The following GRIA4 variants were observed in gnomAD, a reference collection of about 807,000 sequenced individuals.
GRIA4 encodes the protein glutamate receptor 4.
GRIA4 carries 34 observed loss-of-function variants against 104.0 expected under a neutral mutation model. The observed-to-expected ratio is 0.33, with a 90% CI of 0.25 to 0.44. The LOEUF is 0.44. Among genes scored for constraint, GRIA4 ranks in the 20% least tolerant of loss-of-function variants. The pLI is 1.00. For missense variants in GRIA4, 750 were observed against 1,096.5 expected (o/e 0.68, Z 4.46); for synonymous variants, 386 against 381.9 (o/e 1.01, Z -0.13).
intron 3 of GRIA4, among the ~76,000 whole-genome samples, chr11:105,704,994 C>T (rs1341315890): frequency 2.0e-5 from 3 of 152,086 alleles, no homozygotes; most frequent in Non-Finnish European, 4.4e-5. Flanking sequence ...AACACTGCTT[C>T]TACCAGATAT....
At chr11:105,725,895 C>T (rs1938173710) in intron 3 of GRIA4, among the ~76,000 whole-genome samples, 1 of 152,142 alleles carries the variant, frequency 6.6e-6, no homozygotes, top group Non-Finnish European at 1.5e-5. Flanking sequence ...GTCTTTGCAA[C>T]CCACAAACCA....
In GRIA4 at chr11:105,667,677, C is replaced by T. The variant is rs73627650; in HGVS notation, c.247+55243C>T. Among the ~76,000 whole-genome samples, 734 of 151,946 alleles carry T rather than the reference C, an allele frequency of 4.8e-3. 9 individuals carry two copies. The highest frequency in any genetic ancestry group is 0.017 in the African/African-American group (700 of 41,516). On this transcript the variant is annotated intron_variant, in intron 3 of 16. Transcript: ENST00000282499. ...CTCTCATTTATCTATTCTTTTTATTCACCTTTATTGAGGTATAGTTGATAA... is the reference window on the plus strand; with the variant it reads ...CTCTCATTTATCTATTCTTTTTATTTACCTTTATTGAGGTATAGTTGATAA...
chr11:105,721,506 AAACAAACATACTAAAG>A, intron 3 of GRIA4, among the ~76,000 whole-genome samples: 2 of 152,190 alleles, frequency 1.3e-5, no homozygotes, highest in African/African-American at 4.8e-5. Context: ...GCCTGGACTC[AAACAAACATACTAAAG>A]GATATTCTAT....
intron 3 of GRIA4, among the ~76,000 whole-genome samples, chr11:105,667,256 T>A (rs926534266): frequency 2.0e-5 from 3 of 152,006 alleles, no homozygotes; most frequent in African/African-American, 7.2e-5. Flanking sequence ...GGATTTAATG[T>A]TTATTAGAGG....
At chr11:105,950,854 C>A (rs1948438083) in intron 14 of GRIA4, among the ~76,000 whole-genome samples, 1 of 151,922 alleles carries the variant, frequency 6.6e-6, no homozygotes, top group Non-Finnish European at 1.5e-5. Context: ...CACAGAGAGC[C>A]ATAGAAGGAT....
intron 3 of GRIA4, among the ~76,000 whole-genome samples, chr11:105,721,041 G>A (rs1284945033): frequency 1.3e-5 from 2 of 152,056 alleles, no homozygotes; most frequent in African/African-American, 4.8e-5. Context: ...AGTGGTTTTG[G>A]GTCCTTCTTC....
intron 14 of GRIA4, among the ~76,000 whole-genome samples, chr11:105,942,753 CAT>C (rs1461479994): frequency 1.3e-5 from 2 of 152,080 alleles, no homozygotes; most frequent in Non-Finnish European, 2.9e-5. Context: ...AAAATATCCA[CAT>C]AGAGTTCAAC....
intron 14 of GRIA4, among the ~76,000 whole-genome samples, chr11:105,946,570 A>G (rs954973709): frequency 9.9e-5 from 15 of 152,198 alleles, no homozygotes; most frequent in Non-Finnish European, 2.2e-4. Flanking sequence ...TGGGTGACAC[A>G]GCCAGACCCT....
At chr11:105,731,170 C>A (rs952730237) in intron 3 of GRIA4, among the ~76,000 whole-genome samples, 1 of 151,118 alleles carries the variant, frequency 6.6e-6, no homozygotes, top group Non-Finnish European at 1.5e-5. Flanking sequence ...GGAACTTAAA[C>A]AAATTTACAA....
intron 4 of GRIA4, among the ~76,000 whole-genome samples, chr11:105,769,229 T>C (rs1388450860): frequency 6.6e-6 from 1 of 152,090 alleles, no homozygotes; most frequent in Non-Finnish European, 1.5e-5. Flanking sequence ...TCTGTACAGA[T>C]AACCATACAG....
chr11:105,638,137 G>T (rs962081602), intron 3 of GRIA4, among the ~76,000 whole-genome samples: 2 of 152,130 alleles, frequency 1.3e-5, no homozygotes, highest in African/African-American at 4.8e-5. Flanking sequence ...TTAATGCTGG[G>T]ATCTGCAAGA....
chr11:105,779,524 T>C (rs1397295988), intron 4 of GRIA4, among the ~76,000 whole-genome samples: 2 of 152,148 alleles, frequency 1.3e-5, no homozygotes, highest in Admixed American at 1.3e-4. Context: ...GGTTTTTTGT[T>C]CTTGCGATAG....
rs149717008 is a variant in GRIA4, at chr11:105,760,791, C to T, written c.487+7571C>T. 2.4e-3 allele frequency among the ~76,000 whole-genome samples: 360 copies of T among 151,834 alleles called. 3 individuals are homozygous for T. Among genetic ancestry groups the T allele is most frequent in the Middle Eastern group, 0.014 (4 of 294 alleles). ...ACATAATATGCATTGTTGTGAAGTA[C>T]TCAATGGATTCTGGCCAGAAAACAT... On this transcript the variant is annotated intron_variant, in intron 4 of 16. Coordinates refer to ENST00000282499, the MANE Select transcript of GRIA4 (RefSeq NM_000829.4).
chr11:105,942,620 A>C (rs1323631250), intron 14 of GRIA4, among the ~76,000 whole-genome samples: 2 of 152,086 alleles, frequency 1.3e-5, no homozygotes, highest in Admixed American at 1.3e-4. Flanking sequence ...CGGTGCTCTT[A>C]AGGGAAGAGA....
At chr11:105,626,300 A>G (rs187364400) in intron 3 of GRIA4, among the ~76,000 whole-genome samples, 1 of 152,030 alleles carries the variant, frequency 6.6e-6, no homozygotes, top group South Asian at 2.1e-4. Flanking sequence ...CTGCATTCAG[A>G]TTGAAAAGAA....
At chr11:105,928,119 A>AT in intron 13 of GRIA4, among the ~76,000 whole-genome samples, 1 of 152,118 alleles carries the variant, frequency 6.6e-6, no homozygotes, top group Non-Finnish European at 1.5e-5. Context: ...TGTATACTTG[A>AT]ATTTCTGTAA....
intron 4 of GRIA4, among the ~76,000 whole-genome samples, chr11:105,793,437 C>T (rs1591266345): frequency 6.6e-6 from 1 of 152,116 alleles, no homozygotes; most frequent in South Asian, 2.1e-4. Context: ...AGAGAAGAGA[C>T]CCATAGAATC....
Position 105,913,543 on chromosome 11 carries a change from T to C in GRIA4, c.1269+2998T>C, listed in dbSNP as rs1412359643. The C allele has an allele frequency of 6.1e-6, 5 of 820,518 alleles. No homozygotes were observed. In the South Asian group the frequency reaches 1.7e-4, roughly 28 times the overall value. The allele number at this position is 820,518 out of a possible 1,614,324, so 50.8% of individuals were successfully genotyped here. On this transcript the variant is annotated intron_variant, in intron 10 of 16. Coordinates refer to ENST00000282499, the MANE Select transcript of GRIA4 (RefSeq NM_000829.4). ...TAACTTTTTGTATTAAAAGTAATCA[T>C]TTCTGCAAATAACCCAAAGAAGCCA...
At chr11:105,642,738 G>T (rs1432789682) in intron 3 of GRIA4, among the ~76,000 whole-genome samples, 4 of 152,020 alleles carry the variant, frequency 2.6e-5, no homozygotes, top group Admixed American at 1.3e-4. Context: ...AGTACACATA[G>T]CTTAAAATCT....
Sources: allele counts gnomAD v4.1 joint callset (sites outside exome capture counted in the v4.1 genomes callset), GRCh38; gene constraint gnomAD v4.1.1; transcripts MANE v1.5; gene names NCBI Gene and HGNC (gene_info 2026-07-23, HGNC 2026-07-21).